PCNX2: variants seen among roughly 807,000 people sequenced by gnomAD.
PCNX2 encodes the protein pecanex-like protein 2.
A neutral mutation model predicts 223.8 loss-of-function variants in PCNX2; 168 were observed. The observed-to-expected ratio is 0.75, with a 90% confidence interval of 0.66 to 0.85. The LOEUF (loss-of-function observed/expected upper bound fraction) is 0.85, where lower values mean the gene tolerates loss of function less well. Among genes scored for constraint, PCNX2 ranks in the 40% least tolerant of loss-of-function variants. The probability of loss-of-function intolerance (pLI) is 0.00; values close to 1 mark genes in which losing one functional copy is unlikely to be tolerated. For synonymous variants in PCNX2, 1,006 were observed against 1,052.6 expected (o/e 0.96, Z 0.86); for missense variants, 2,507 against 2,675.5 (o/e 0.94, Z 1.39).
intron 8 of PCNX2, among the ~76,000 whole-genome samples, chr1:233,244,227 C>T (rs1433624410): frequency 6.6e-6 from 1 of 152,154 alleles, no homozygotes; most frequent in Non-Finnish European, 1.5e-5. Context: ...AAGCAAGTTG[C>T]ATAACGTCAA....
intron 8 of PCNX2, among the ~76,000 whole-genome samples, chr1:233,243,038 T>C (rs548339823): frequency 6.6e-6 from 1 of 152,320 alleles, no homozygotes; most frequent in East Asian, 1.9e-4. Flanking sequence ...ACAGCTATTG[T>C]ACAACCGGAA....
chr1:233,040,194 C>T (rs1376467685), intron 25 of PCNX2, among the ~76,000 whole-genome samples: 5 of 152,174 alleles, frequency 3.3e-5, no homozygotes, highest in African/African-American at 9.7e-5. Flanking sequence ...TCCTCTAAGA[C>T]GATTTCTGGA....
At chr1:233,291,058 T>C (rs1661735216) in intron 1 of PCNX2, 1 of 985,258 alleles carries the variant, frequency 1.0e-6, no homozygotes, top group African/African-American at 1.7e-5. Flanking sequence ...CTCCACGGTT[T>C]CACAGCCTTC....
chr1:233,046,163 G>A (rs557290622), intron 25 of PCNX2, among the ~76,000 whole-genome samples: 3 of 152,312 alleles, frequency 2.0e-5, no homozygotes, highest in African/African-American at 7.2e-5. Flanking sequence ...AATCTATCCT[G>A]TGAACATTTC....
chr1:233,163,338 T>C (rs1391398691), intron 17 of PCNX2, among the ~76,000 whole-genome samples: 2 of 151,576 alleles, frequency 1.3e-5, no homozygotes, highest in Non-Finnish European at 1.5e-5. Flanking sequence ...AATACAAAAA[T>C]TAGCCGGTTG....
intron 8 of PCNX2, chr1:233,241,140 T>C (rs1375180735): frequency 2.1e-6 from 2 of 973,588 alleles, no homozygotes; most frequent in Non-Finnish European, 2.4e-6. Context: ...ACCTGTTATT[T>C]TGAATTTTAA....
chr1:233,076,328 T>C (rs561327553), intron 23 of PCNX2, among the ~76,000 whole-genome samples: 42 of 152,338 alleles, frequency 2.8e-4, no homozygotes, highest in African/African-American at 9.6e-4. Flanking sequence ...TGAACCGGGC[T>C]TTTGACATGC....
chr1:233,017,402 C>T (rs929704139), intron 26 of PCNX2, among the ~76,000 whole-genome samples: 1 of 149,238 alleles, frequency 6.7e-6, no homozygotes, highest in Non-Finnish European at 1.5e-5. Flanking sequence ...ACTGCAAGCT[C>T]CGCCTCCCAG....
At chr1:233,305,925 T>TA in the PCNX2 span, among the ~76,000 whole-genome samples, 9 of 152,160 alleles carry the variant, frequency 5.9e-5, no homozygotes, top group Non-Finnish European at 1.0e-4. Context: ...GCAATTACAC[T>TA]AAATGAAAAT....
intron 23 of PCNX2, among the ~76,000 whole-genome samples, chr1:233,080,401 A>AACAC (rs10611197): frequency 0.012 from 1,728 of 140,594 alleles, 36 homozygotes; most frequent in African/African-American, 0.036. Context: ...CACACACACA[A>AACAC]ACACACACAC....
At chr1:233,142,284 T>C (rs1305546991) in intron 19 of PCNX2, among the ~76,000 whole-genome samples, 1 of 152,060 alleles carries the variant, frequency 6.6e-6, no homozygotes. Context: ...TAAAAAAAAA[T>C]CTTCAAGACC....
intron 10 of PCNX2, among the ~76,000 whole-genome samples, chr1:233,226,281 G>A (rs373153170): frequency 4.0e-5 from 6 of 149,528 alleles, no homozygotes; most frequent in South Asian, 2.1e-4. Flanking sequence ...TTTTCTGGGT[G>A]GGGGGGAGAT....
At position 233,200,138 on chromosome 1, in the gene PCNX2, A is replaced by T; in HGVS notation, c.2974+16T>A. 6.6e-7 allele frequency: 1 copy of T among 1,517,238 alleles called. No homozygotes were observed. The highest frequency in any genetic ancestry group is 9.0e-7 in the Non-Finnish European group (1 of 1,112,312). 94.0% of individuals were successfully genotyped at this position (1,517,238 alleles called of 1,614,324 possible). On this transcript the variant is annotated intron_variant, in intron 14 of 33. Transcript: ENST00000258229. Reference sequence around the variant, plus strand: ...CTGAATTCCTTTACAGGAAGAATAGAATGTAAACGACTTACCAGAACCACC... The same window carrying T: ...CTGAATTCCTTTACAGGAAGAATAGTATGTAAACGACTTACCAGAACCACC...
chr1:233,165,462 G>A (rs536419486), intron 17 of PCNX2, among the ~76,000 whole-genome samples: 62 of 152,202 alleles, frequency 4.1e-4, no homozygotes, highest in African/African-American at 1.5e-3. Context: ...CCACTTCCCT[G>A]CAACCAGGGA....
chr1:233,199,661 A>G (rs539787664), intron 14 of PCNX2, among the ~76,000 whole-genome samples: 1 of 152,264 alleles, frequency 6.6e-6, no homozygotes, highest in African/African-American at 2.4e-5. Context: ...GTATGACATT[A>G]AAAGGGTCAC....
chr1:233,136,194 G>T (rs1320863005), intron 20 of PCNX2, among the ~76,000 whole-genome samples: 5 of 152,098 alleles, frequency 3.3e-5, no homozygotes, highest in African/African-American at 1.2e-4. Flanking sequence ...TATGATATTT[G>T]GCAACTGCAA....
At chr1:232,998,579 A>G in intron 31 of PCNX2, 141 bp from the exon 32 acceptor site, 1 of 807,680 alleles carries the variant, frequency 1.2e-6, no homozygotes. Flanking sequence ...TGGTGGGAAG[A>G]GGGGCTGTTG....
At chr1:233,264,408 G>T (rs1660222590) in intron 1 of PCNX2, among the ~76,000 whole-genome samples, 1 of 152,204 alleles carries the variant, frequency 6.6e-6, no homozygotes, top group South Asian at 2.1e-4. Context: ...GCAGACAGCA[G>T]GGCCCAGTCC....
rs11583150 is a variant in PCNX2 at position 233,267,921 on chromosome 1, G to T, written c.154-4758C>A. On this transcript the variant is annotated intron_variant, in intron 1 of 33. Coordinates refer to ENST00000258229, the MANE Select transcript of PCNX2 (RefSeq NM_014801.4). ...GGATCACATGATAATTCGATGTTTA[G>T]TTTTTTTTTTAAGACAGTCTTGCTC... is the stretch of plus-strand genomic sequence containing the variant. Among the ~76,000 whole-genome samples the T allele has an allele frequency of 4.0e-5, 6 of 149,576 alleles. No individual in the cohort carries two copies. In the East Asian group the frequency reaches 7.9e-4, roughly 20 times the overall value.
Sources: gnomAD v4.1 joint callset for allele counts (sites outside exome capture counted in the v4.1 genomes callset) on GRCh38, gnomAD v4.1.1 for gene constraint, MANE v1.5 for transcripts, NCBI Gene and HGNC (gene_info 2026-07-23, HGNC 2026-07-21) for gene names.